Variants in SERPINB5 observed in about 807,000 individuals in gnomAD.
The protein encoded by SERPINB5 is serpin B5.
Under a neutral mutation model 32.2 loss-of-function variants are expected in SERPINB5, and 27 were observed. That is an observed-to-expected ratio of 0.84 (90% CI 0.62 to 1.16). The LOEUF (loss-of-function observed/expected upper bound fraction) is 1.16, where lower values mean the gene tolerates loss of function less well. SERPINB5 is among the 50% of genes most tolerant of loss of function. SERPINB5 has a pLI of 0.00. For synonymous variants in SERPINB5, 154 were observed against 157.4 expected, an observed-to-expected ratio of 0.98 and a Z score of 0.16; for missense variants, 388 against 436.3, an observed-to-expected ratio of 0.89 and a Z score of 0.99.
intron 1 of SERPINB5, among the ~76,000 whole-genome samples, chr18:63,478,634 G>A (rs1444342904): frequency 6.6e-6 from 1 of 152,086 alleles, no homozygotes; most frequent in African/African-American, 2.4e-5. Context: ...GTTTCTCATG[G>A]CATTCCCTAA....
chr18:63,501,557 C>T (rs1001512668), intron 6 of SERPINB5, among the ~76,000 whole-genome samples: 1 of 152,084 alleles, frequency 6.6e-6, no homozygotes, highest in African/African-American at 2.4e-5. Context: ...GAGTATACAC[C>T]CACTAATGGG....
intron 4 of SERPINB5, among the ~76,000 whole-genome samples, chr18:63,490,173 CAG>C (rs1337676373): frequency 6.6e-6 from 1 of 152,058 alleles, no homozygotes; most frequent in Non-Finnish European, 1.5e-5. Flanking sequence ...GCCTGGGCGA[CAG>C]AGTGAGACTC....
chr18:63,488,760 G>C (rs1917253649), intron 3 of SERPINB5, among the ~76,000 whole-genome samples: 1 of 152,174 alleles, frequency 6.6e-6, no homozygotes, highest in Admixed American at 6.5e-5. Flanking sequence ...AAGAACTCCT[G>C]TTATGTTCTC....
intron 4 of SERPINB5, among the ~76,000 whole-genome samples, chr18:63,491,563 C>T (rs900276671): frequency 1.3e-5 from 2 of 151,678 alleles, no homozygotes; most frequent in Non-Finnish European, 2.9e-5. Flanking sequence ...TAACCTCCGC[C>T]TCCCAGGTTC....
intron 2 of SERPINB5, among the ~76,000 whole-genome samples, chr18:63,486,251 G>A (rs1197769860): frequency 1.3e-5 from 2 of 152,228 alleles, no homozygotes; most frequent in East Asian, 1.9e-4. Flanking sequence ...TTGGAGAAGA[G>A]GTGGTGAAGG....
intron 3 of SERPINB5, 93 bp downstream of exon 3, chr18:63,487,176 C>T (rs932332088): frequency 1.1e-5 from 14 of 1,236,396 alleles, no homozygotes; most frequent in Admixed American, 4.5e-5. Context: ...CAGTGAAATT[C>T]CTTTCTAGGA....
intron 4 of SERPINB5, 79 bp downstream of exon 4, chr18:63,489,543 T>TA (rs1414237147): frequency 9.1e-5 from 70 of 768,148 alleles, no homozygotes; most frequent in East Asian, 4.0e-4. Flanking sequence ...GCTCCAAGGA[T>TA]AAAAAAAACA....
chr18:63,479,997 G>A (rs1917100542), intron 1 of SERPINB5, among the ~76,000 whole-genome samples: 1 of 152,232 alleles, frequency 6.6e-6, no homozygotes, highest in Non-Finnish European at 1.5e-5. Flanking sequence ...AAGAAAGCAG[G>A]TGATCAGGTG....
chr18:63,491,927 T>C (rs116312365), intron 4 of SERPINB5, among the ~76,000 whole-genome samples: 1,689 of 152,334 alleles, frequency 0.011, 38 homozygotes, highest in African/African-American at 0.039. Context: ...ACCAGTTACA[T>C]AATTTGCATG....
chr18:63,503,276 TC>T (rs1397737628), intron 6 of SERPINB5, 53 bp from the exon 7 acceptor site: 9 of 1,529,326 alleles, frequency 5.9e-6, no homozygotes, highest in East Asian at 2.4e-5. Flanking sequence ...TTGAGCCAGG[TC>T]TTTTACAGTT....
Position 63,503,375 on chromosome 18 carries a change from CCCAGCA to C in SERPINB5, c.785_790del (p.Ser262_Thr263del). ...AGAGTCACTGTCACAGTGGACTAAT[CCCAGCA>C]CCATGGCCAATGCCAAGGTCAAACT... On this transcript the variant is annotated inframe_deletion, in exon 7 of 7. Coordinates refer to ENST00000382771, the MANE Select transcript of SERPINB5 (RefSeq NM_002639.5). 6.2e-7 allele frequency: 1 copy of C among 1,614,212 alleles called. No individual in the cohort carries two copies. Among genetic ancestry groups the C allele is most frequent in the South Asian group, 1.1e-5 (1 of 91,088 alleles).
At position 63,498,336 on chromosome 18, in the gene SERPINB5, C is replaced by A. The variant is rs1160483406; in HGVS notation, c.568-784C>A. On this transcript the variant is annotated intron_variant, in intron 5 of 6. Coordinates refer to ENST00000382771, the MANE Select transcript of SERPINB5 (RefSeq NM_002639.5). This position sits in a 1 kb window ranked among gnomAD's most constrained non-coding sequence, Gnocchi z 4.2. ...GAACTCCTGACCTCAAGTGGTCTCC[C>A]AAGGTGCAGGATTACAGGCATGAGG... 6.6e-6 allele frequency among the ~76,000 whole-genome samples: 1 copy of A among 152,102 alleles called. No homozygotes were observed. The highest frequency in any genetic ancestry group is 1.5e-5 in the Non-Finnish European group (1 of 68,018).
intron 1 of SERPINB5, among the ~76,000 whole-genome samples, chr18:63,482,907 A>C (rs1293677825): frequency 6.7e-6 from 1 of 148,908 alleles, no homozygotes; most frequent in African/African-American, 2.4e-5. Flanking sequence ...TAATGAGAAG[A>C]GTGATATTGT....
At position 63,489,354 on chromosome 18, in the gene SERPINB5, T is replaced by A; in HGVS notation, c.314T>A (p.Ile105Asn). 6.3e-7 allele frequency: 1 copy of A among 1,592,706 alleles called. No homozygotes were observed. The highest frequency in any genetic ancestry group is 1.1e-5 in the South Asian group (1 of 88,768). Residue 105 changes from isoleucine to asparagine, a missense_variant, in exon 4 of 7, where the codon ATC becomes AAC. By Grantham distance (149) the Ile-to-Asn change is moderately radical. Transcript: ENST00000382771. ...GAACTGCATGTTTTTCAGGAGTTCA[T>A]CAGCTCTACGAAGAGACCGTATGCA... ...DKSLNLSTEF[I>N]SSTKRPYAKE...
rs187504683 is a variant in SERPINB5, at chr18:63,492,452, A to G, written c.425-501A>G. On this transcript the variant is annotated intron_variant, in intron 4 of 6. Transcript: ENST00000382771. ...TTATAGGACCATTGTGAAAAGACTG[A>G]GATAATATATGTGAAATTCTGCCAT... Among the ~76,000 whole-genome samples, 6 of 152,356 alleles carry G rather than the reference A, an allele frequency of 3.9e-5. No homozygotes were observed. The East Asian group carries it at 1.2e-3, about 29-fold the overall frequency.
intron 5 of SERPINB5, among the ~76,000 whole-genome samples, chr18:63,495,983 G>A (rs1223761401): frequency 6.6e-6 from 1 of 152,172 alleles, no homozygotes; most frequent in African/African-American, 2.4e-5. Flanking sequence ...GTAAGGGTTA[G>A]ACTAAATTGG....
At chr18:63,496,215 CA>C (rs778304495) in intron 5 of SERPINB5, among the ~76,000 whole-genome samples, 19 of 152,124 alleles carry the variant, frequency 1.2e-4, no homozygotes, top group Admixed American at 3.9e-4. Context: ...TTGGAGGCCA[CA>C]ACTATGTGCA....
chr18:63,494,037 A>G (rs1909397417), intron 5 of SERPINB5, among the ~76,000 whole-genome samples: 1 of 151,916 alleles, frequency 6.6e-6, no homozygotes, highest in South Asian at 2.1e-4. Flanking sequence ...TAAATAATTA[A>G]TAGAGGGTGG....
chr18:63,500,231 C>CATT (rs750296307), intron 6 of SERPINB5, among the ~76,000 whole-genome samples: 3 of 139,972 alleles, frequency 2.1e-5, no homozygotes, highest in Non-Finnish European at 4.7e-5. Context: ...CTATGCCTGG[C>CATT]TTTTTTTTTT....
Sources: allele counts gnomAD v4.1 joint callset (sites outside exome capture counted in the v4.1 genomes callset), GRCh38; gene constraint gnomAD v4.1.1; non-coding constraint Gnocchi (gnomAD v3.1); transcripts MANE v1.5; gene names NCBI Gene and HGNC (gene_info 2026-07-23, HGNC 2026-07-21).